Variants in CPEB2 observed in about 807,000 individuals in gnomAD.
CPEB2 encodes cytoplasmic polyadenylation element binding protein 2, also known as cytoplasmic polyadenylation element-binding protein 2.
In CPEB2, 56 loss-of-function variants were observed where a neutral mutation model predicts 93.6. The ratio of observed to expected loss-of-function variants is 0.60; its 90% CI spans 0.48 to 0.75. The LOEUF is 0.75. CPEB2 is among the 30% of genes least tolerant of loss of function. The pLI, the probability that CPEB2 is intolerant of heterozygous loss-of-function variation, is 0.00. For synonymous variants in CPEB2, 764 were observed against 586.3 expected (o/e 1.30, Z -4.38); for missense variants, 1,579 against 1,395.1 (o/e 1.13, Z -2.10).
chr4:15,037,994 A>T (rs985065731), intron 5 of CPEB2, among the ~76,000 whole-genome samples: 1 of 152,186 alleles, frequency 6.6e-6, no homozygotes, highest in Non-Finnish European at 1.5e-5. Context: ...TACACACACC[A>T]TTGTTTAGTG....
At chr4:15,026,311 C>G (rs951305002) in intron 4 of CPEB2, among the ~76,000 whole-genome samples, 8 of 151,692 alleles carry the variant, frequency 5.3e-5, no homozygotes, top group Non-Finnish European at 1.0e-4. Flanking sequence ...ACTGCAACCT[C>G]CACCTCCTGG....
intron 6 of CPEB2, among the ~76,000 whole-genome samples, chr4:15,050,183 G>A (rs1481940542): frequency 1.3e-5 from 2 of 152,202 alleles, no homozygotes; most frequent in African/African-American, 4.8e-5. Context: ...GCCTGCCTGA[G>A]CTCCACCTCC....
At chr4:15,046,549 C>A (rs1257787202) in intron 6 of CPEB2, among the ~76,000 whole-genome samples, 1 of 152,088 alleles carries the variant, frequency 6.6e-6, no homozygotes, top group Non-Finnish European at 1.5e-5. Flanking sequence ...TTAATTTTAT[C>A]CATTCTGGTG....
chr4:15,066,174 C>T lies in CPEB2; in HGVS notation c.2899C>T (p.Leu967=). The stretch of plus-strand genomic sequence containing the variant: ...CAAGGTGGAGGTAAAGCCATATGTG[C>T]TAGATGACCAGATGTGTGATGAATG... ...DKRVEVKPYV[L]DDQMCDECQG... The change falls in exon 12 of 12, where the codon CTA becomes TTA. Residue 967 remains leucine, a synonymous_variant. Transcript: ENST00000538197. 1 of 1,613,288 alleles carries T rather than the reference C, an allele frequency of 6.2e-7. No individual in the cohort carries two copies. The highest frequency in any genetic ancestry group is 2.2e-5 in the East Asian group (1 of 44,840).
At chr4:15,061,995 C>A in intron 10 of CPEB2, 84 bp from the exon 11 acceptor site, 1 of 1,282,266 alleles carries the variant, frequency 7.8e-7, no homozygotes, top group Non-Finnish European at 1.1e-6. Flanking sequence ...ATACTATTGA[C>A]TTTTACGTTT....
rs1379915873 is a variant in CPEB2, at chr4:15,068,243, A to G, written c.*1863A>G. 1 of 152,318 alleles carries G rather than the reference A, an allele frequency of 6.6e-6. No homozygotes were observed. Among genetic ancestry groups the G allele is most frequent in the Non-Finnish European group, 1.5e-5 (1 of 67,896 alleles). The allele number at this position is 152,318 out of a possible 1,614,324, so 9.4% of individuals were successfully genotyped here. On this transcript the variant is annotated 3_prime_UTR_variant, in exon 12 of 12. Transcript: ENST00000538197. ...TGGTGTGCTTTTTTGTACTGTAAAAATATGTGGTTCATGTCTAACTCTGCT... is the reference window on the plus strand; with the variant it reads ...TGGTGTGCTTTTTTGTACTGTAAAAGTATGTGGTTCATGTCTAACTCTGCT...
At chr4:15,038,602 T>C (rs556413681) in intron 5 of CPEB2, among the ~76,000 whole-genome samples, 158 of 151,094 alleles carry the variant, frequency 1.0e-3, no homozygotes, top group East Asian at 9.3e-3. Flanking sequence ...TTTTTTTTTT[T>C]CTTTGAGACG....
intron 5 of CPEB2, among the ~76,000 whole-genome samples, chr4:15,036,334 T>C (rs1462718121): frequency 4.6e-5 from 7 of 152,212 alleles, no homozygotes; most frequent in African/African-American, 1.7e-4. Flanking sequence ...TGCTGGAGAC[T>C]GTCACTATTG....
intron 6 of CPEB2, among the ~76,000 whole-genome samples, chr4:15,048,922 T>A (rs1049671856): frequency 1.3e-5 from 2 of 152,022 alleles, no homozygotes; most frequent in Non-Finnish European, 2.9e-5. Flanking sequence ...AAAGGATAAT[T>A]GGCAAGGTAA....
chr4:15,022,336 G>A (rs1253165054), intron 4 of CPEB2, among the ~76,000 whole-genome samples: 1 of 152,096 alleles, frequency 6.6e-6, no homozygotes, highest in Non-Finnish European at 1.5e-5. Context: ...GCTCTTACAG[G>A]ACTCTTCCTT....
intron 3 of CPEB2, among the ~76,000 whole-genome samples, chr4:15,014,920 C>A (rs951786371): frequency 6.6e-6 from 1 of 151,956 alleles, no homozygotes; most frequent in Non-Finnish European, 1.5e-5. Context: ...CCATCCTATT[C>A]TCTGTTTCAG....
chr4:15,062,042 C>A, intron 10 of CPEB2, 37 bp from the exon 11 acceptor site: 6 of 1,524,956 alleles, frequency 3.9e-6, no homozygotes, highest in Non-Finnish European at 3.6e-6. Flanking sequence ...TTACTGTGTT[C>A]TCTCACATTT....
rs759793552 is a variant in CPEB2, at chr4:15,069,897, T to C, written c.*3517T>C. The C allele has an allele frequency of 1.3e-4, 20 of 152,256 alleles. No individual in the cohort carries two copies. The highest frequency in any genetic ancestry group is 3.0e-4 in the Non-Finnish European group (20 of 67,766). 9.4% of individuals were successfully genotyped at this position (152,256 alleles called of 1,614,324 possible). On this transcript the variant is annotated 3_prime_UTR_variant, in exon 12 of 12. Coordinates refer to ENST00000538197, the MANE Select transcript of CPEB2 (RefSeq NM_001177382.2). ...TATTCCTAATGGGGTGTTAAAGCCG[T>C]TTTTTATTTTTTTCTAAATAAAAAG...
chr4:15,062,938 G>A (rs1364512515), intron 11 of CPEB2, among the ~76,000 whole-genome samples: 1 of 152,004 alleles, frequency 6.6e-6, no homozygotes, highest in Non-Finnish European at 1.5e-5. Flanking sequence ...AATAGGGAAA[G>A]ACACTAGCAT....
At chr4:15,013,349 T>C (rs1220607733) in intron 3 of CPEB2, among the ~76,000 whole-genome samples, 2 of 152,032 alleles carry the variant, frequency 1.3e-5, no homozygotes, top group East Asian at 1.9e-4. Context: ...ATGCACACTT[T>C]TCCTCATAGA....
Position 15,004,119 on chromosome 4 carries a change from C to G in CPEB2, c.1446C>G (p.Gly482=). The G allele has an allele frequency of 6.5e-7, 1 of 1,532,570 alleles. No individual in the cohort carries two copies. Among genetic ancestry groups the G allele is most frequent in the South Asian group, 1.2e-5 (1 of 82,560 alleles). 94.9% of individuals were successfully genotyped at this position (1,532,570 alleles called of 1,614,324 possible). A position where few individuals can be genotyped will look rare whatever the true frequency, so the allele number is the denominator to read the frequency against. Residue 482 remains glycine, a synonymous_variant, in exon 1 of 12, where the codon GGC becomes GGG. Transcript: ENST00000538197. ...GCTGLSVPTS[G]GGGGGFGGPF... Reference sequence around the variant, plus strand: ...CTGGGCTCAGCGTTCCGACGAGCGGCGGCGGCGGCGGCGGCTTCGGCGGCC... The same window carrying G: ...CTGGGCTCAGCGTTCCGACGAGCGGGGGCGGCGGCGGCGGCTTCGGCGGCC...
In CPEB2 at chr4:15,066,381, G is replaced by T. The variant is rs1285024409; in HGVS notation, c.*1G>T. On this transcript the variant is annotated 3_prime_UTR_variant, in exon 12 of 12. Coordinates refer to ENST00000538197, the MANE Select transcript of CPEB2 (RefSeq NM_001177382.2). ...TCAGATCCACTTCCGCTGGAACTAA[G>T]AATAGCAAACTGGCCTCTGTTTAAC... The T allele has an allele frequency of 6.3e-7, 1 of 1,589,220 alleles. No homozygotes were observed.
At chr4:15,045,485 T>G (rs1006446092) in intron 6 of CPEB2, among the ~76,000 whole-genome samples, 2 of 152,184 alleles carry the variant, frequency 1.3e-5, no homozygotes, top group African/African-American at 4.8e-5. Context: ...TTATTCTTGT[T>G]GCCTTGTAGT....
intron 4 of CPEB2, among the ~76,000 whole-genome samples, chr4:15,022,237 A>G (rs1724891906): frequency 6.6e-6 from 1 of 152,140 alleles, no homozygotes; most frequent in African/African-American, 2.4e-5. Context: ...ATCTTTAAAA[A>G]GCTGTGAAAG....
Sources: allele counts gnomAD v4.1 joint callset (sites outside exome capture counted in the v4.1 genomes callset), GRCh38; gene constraint gnomAD v4.1.1; transcripts MANE v1.5; gene names NCBI Gene and HGNC (gene_info 2026-07-23, HGNC 2026-07-21).